SHANK2: variants seen among roughly 807,000 people sequenced by gnomAD.
The protein encoded by SHANK2 is SH3 and multiple ankyrin repeat domains protein 2.
SHANK2 carries 43 observed loss-of-function variants against 133.7 expected under a neutral mutation model. The observed-to-expected ratio is 0.32, with a 90% confidence interval of 0.25 to 0.41. SHANK2 has a LOEUF of 0.41. Among genes scored for constraint, SHANK2 ranks in the 10% least tolerant of loss-of-function variants. The pLI, the probability that SHANK2 is intolerant of heterozygous loss-of-function variation, is 1.00. For missense variants in SHANK2, 1,994 were observed against 2,235.8 expected (o/e 0.89, Z 2.18); for synonymous variants, 1,017 against 952.8 (o/e 1.07, Z -1.24).
chr11:70,948,663 G>A (rs1950789689), intron 10 of SHANK2, among the ~76,000 whole-genome samples: 1 of 152,228 alleles, frequency 6.6e-6, no homozygotes, highest in Admixed American at 6.5e-5. Flanking sequence ...GTGGACCAGG[G>A]GCGGGCTGCA....
chr11:70,701,197 A>G (rs1945511044), intron 14 of SHANK2, among the ~76,000 whole-genome samples: 1 of 152,022 alleles, frequency 6.6e-6, no homozygotes. Flanking sequence ...TACCAGAAAA[A>G]AAGACTATTT....
At chr11:70,571,209 C>T (rs1554982990) in intron 17 of SHANK2, 1 of 152,332 alleles carries the variant, frequency 6.6e-6, no homozygotes, top group Non-Finnish European at 1.5e-5. Context: ...TTGTGACTCT[C>T]CATTGCCCTG....
chr11:70,721,526 T>C (rs1946075680), intron 14 of SHANK2, among the ~76,000 whole-genome samples: 1 of 152,126 alleles, frequency 6.6e-6, no homozygotes, highest in Non-Finnish European at 1.5e-5. Context: ...GAAGGCCTGT[T>C]CTTTCTGAGG....
chr11:70,749,488 T>C (rs1475796095), intron 14 of SHANK2, among the ~76,000 whole-genome samples: 1 of 152,116 alleles, frequency 6.6e-6, no homozygotes, highest in Non-Finnish European at 1.5e-5. Context: ...CACAACATAA[T>C]ACTCACAATA....
intron 4 of SHANK2, among the ~76,000 whole-genome samples, chr11:71,117,788 G>A (rs185935409): frequency 6.6e-6 from 1 of 152,180 alleles, no homozygotes; most frequent in Admixed American, 6.5e-5. Context: ...TTCATCAGCT[G>A]TGCGTTTGTA....
intron 3 of SHANK2, among the ~76,000 whole-genome samples, chr11:71,132,129 G>C (rs1555103798): frequency 6.6e-6 from 1 of 152,250 alleles, no homozygotes; most frequent in South Asian, 2.1e-4. Context: ...CTGCTCAGAA[G>C]CTGTGGTGTG....
intron 2 of SHANK2, among the ~76,000 whole-genome samples, chr11:71,173,104 C>T (rs566937500): frequency 1.3e-5 from 2 of 152,350 alleles, no homozygotes; most frequent in South Asian, 4.1e-4. Context: ...TTATAAATCA[C>T]GCCTTGTTTG....
At chr11:71,214,889 T>A (rs1435437145) in intron 2 of SHANK2, among the ~76,000 whole-genome samples, 1 of 152,210 alleles carries the variant, frequency 6.6e-6, no homozygotes, top group African/African-American at 2.4e-5. Flanking sequence ...CCTTTCGTTC[T>A]GGTCTCCAGG....
chr11:70,846,105 C>T (rs1197534268), intron 11 of SHANK2, among the ~76,000 whole-genome samples: 3 of 152,070 alleles, frequency 2.0e-5, no homozygotes, highest in Non-Finnish European at 2.9e-5. Context: ...GTCTAGAGTG[C>T]GCTTCCAGTG....
In SHANK2 at chr11:70,487,717, A is replaced by G; in HGVS notation, c.2576T>C (p.Ile859Thr). Residue 859 changes from isoleucine to threonine, a missense_variant, in exon 25 of 26, where the codon ATA becomes ACA. Coordinates refer to ENST00000601538, the MANE Select transcript of SHANK2 (RefSeq NM_012309.5). The surrounding 1 kb of genome is among the most constrained non-coding windows in gnomAD (Gnocchi z 5.8). ...SIDSRIFLSGITEEERQFLAP... is the reference protein window; with the variant it reads ...SIDSRIFLSGTTEEERQFLAP... ...CAGAAACTGCCGCTCTTCCTCTGTT[A>G]TTCCTACAAGCAGAAAACAGGTTTA... The G allele has an allele frequency of 6.4e-7, 1 of 1,557,382 alleles. No homozygotes were observed. The highest frequency in any genetic ancestry group is 2.4e-5 in the East Asian group (1 of 41,532).
At chr11:70,879,014 C>T (rs1436602461) in intron 11 of SHANK2, among the ~76,000 whole-genome samples, 2 of 152,174 alleles carry the variant, frequency 1.3e-5, no homozygotes, top group Non-Finnish European at 2.9e-5. Flanking sequence ...CCTGAGGCTA[C>T]GTATCTTCCT....
intron 17 of SHANK2, among the ~76,000 whole-genome samples, chr11:70,552,248 C>A (rs1459058844): frequency 2.0e-5 from 3 of 152,124 alleles, no homozygotes; most frequent in African/African-American, 7.2e-5. Flanking sequence ...CGCACACAGG[C>A]GAGCAGACAG....
rs1324756459 is a variant in SHANK2, at chr11:71,175,140, A to G, written c.-12-27802T>C. ...ATTTTGTTAAATCTGTGCCTTATCT[A>G]TTTTGTGTGTCGCTCCCAGGAGGGC... is the stretch of plus-strand genomic sequence containing the variant. On this transcript the variant is annotated intron_variant, in intron 2 of 25. Coordinates refer to ENST00000601538, the MANE Select transcript of SHANK2 (RefSeq NM_012309.5). This position sits in a 1 kb window ranked among gnomAD's most constrained non-coding sequence, Gnocchi z 4.2. 6.6e-6 allele frequency among the ~76,000 whole-genome samples: 1 copy of G among 152,176 alleles called. No individual in the cohort carries two copies. Among genetic ancestry groups the G allele is most frequent in the Non-Finnish European group, 1.5e-5 (1 of 68,034 alleles).
chr11:70,873,462 G>A (rs1161237195), intron 11 of SHANK2, among the ~76,000 whole-genome samples: 4 of 152,104 alleles, frequency 2.6e-5, no homozygotes, highest in African/African-American at 7.2e-5. Flanking sequence ...CAGCAGTTCC[G>A]TGGAGGAGGA....
At chr11:71,220,715 G>A (rs922058286) in intron 2 of SHANK2, among the ~76,000 whole-genome samples, 23 of 152,134 alleles carry the variant, frequency 1.5e-4, no homozygotes, top group African/African-American at 5.1e-4. Flanking sequence ...GAGGTTCCTA[G>A]AGTGGGGAAA....
At chr11:71,093,853 T>C (rs1951559272) in intron 7 of SHANK2, among the ~76,000 whole-genome samples, 1 of 152,182 alleles carries the variant, frequency 6.6e-6, no homozygotes, top group South Asian at 2.1e-4. Flanking sequence ...GGCCCCCGTC[T>C]TGGGGGTCAA....
intron 12 of SHANK2, among the ~76,000 whole-genome samples, chr11:70,813,359 G>C (rs962493254): frequency 1.3e-5 from 2 of 152,150 alleles, no homozygotes; most frequent in Non-Finnish European, 2.9e-5. Flanking sequence ...ACGGCGCAGT[G>C]GTGCCAGTGA....
intron 17 of SHANK2, among the ~76,000 whole-genome samples, chr11:70,551,533 G>C (rs1554978047): frequency 3.9e-5 from 6 of 152,226 alleles, no homozygotes; most frequent in African/African-American, 1.4e-4. Flanking sequence ...GCCCCGGTGT[G>C]ATGCTTGCCA....
chr11:70,635,958 T>A (rs1555003850), intron 17 of SHANK2, among the ~76,000 whole-genome samples: 1 of 152,218 alleles, frequency 6.6e-6, no homozygotes, highest in Admixed American at 6.5e-5. Flanking sequence ...CTCTGCCACA[T>A]CCACCCCTCC....
Sources: gnomAD v4.1 joint callset for allele counts (sites outside exome capture counted in the v4.1 genomes callset) on GRCh38, gnomAD v4.1.1 for gene constraint, Gnocchi (gnomAD v3.1) non-coding constraint, MANE v1.5 for transcripts, NCBI Gene and HGNC (gene_info 2026-07-23, HGNC 2026-07-21) for gene names.